Variants in COL19A1 observed in about 807,000 individuals in gnomAD.
COL19A1 encodes the protein collagen alpha-1(XIX) chain.
In COL19A1, 159 loss-of-function variants were observed where a neutral mutation model predicts 190.2. The ratio of observed to expected loss-of-function variants is 0.84; its 90% CI spans 0.73 to 0.95. The LOEUF is 0.95. Among genes scored for constraint, COL19A1 ranks in the 40% least tolerant of loss-of-function variants. The pLI, the probability that COL19A1 is intolerant of heterozygous loss-of-function variation, is 0.00. For missense variants in COL19A1, 1,418 were observed against 1,431.9 expected (o/e 0.99, Z 0.16); for synonymous variants, 509 against 458.9 (o/e 1.11, Z -1.39).
At position 70,159,559 on chromosome 6, in the gene COL19A1, T is replaced by C. The variant is rs73746883; in HGVS notation, c.2293-2341T>C. On this transcript the variant is annotated intron_variant, in intron 34 of 50. Transcript: ENST00000620364. ...GGAATTCTAGCATGTTCAAGTAGAA[T>C]TTTTAAGCCCTTCTTCATATCATAT... 9.1e-3 allele frequency among the ~76,000 whole-genome samples: 1,378 copies of C among 152,260 alleles called. 20 individuals are homozygous for C. The highest frequency in any genetic ancestry group is 0.032 in the African/African-American group (1,314 of 41,560).
chr6:70,080,642 T>G (rs1286620351), intron 15 of COL19A1, among the ~76,000 whole-genome samples: 2 of 152,212 alleles, frequency 1.3e-5, no homozygotes, highest in African/African-American at 4.8e-5. Flanking sequence ...TTGTCAAAAT[T>G]AAATTGTTCT....
intron 34 of COL19A1, among the ~76,000 whole-genome samples, chr6:70,160,551 C>A (rs1027654417): frequency 3.3e-5 from 5 of 152,194 alleles, no homozygotes; most frequent in Admixed American, 2.6e-4. Context: ...GCAGCCCAAT[C>A]TGGCCTAACT....
At chr6:69,974,202 A>G (rs1398744455) in intron 11 of COL19A1, 1 of 152,162 alleles carries the variant, frequency 6.6e-6, no homozygotes. Flanking sequence ...CAAATAATCA[A>G]TTTGCTTTGT....
chr6:69,970,445 C>T (rs1236762950), intron 11 of COL19A1, among the ~76,000 whole-genome samples: 1 of 152,096 alleles, frequency 6.6e-6, no homozygotes, highest in Non-Finnish European at 1.5e-5. Flanking sequence ...TGGTTTTGTA[C>T]TTTTACATAG....
At chr6:70,152,184 C>T (rs1056155714) in intron 31 of COL19A1, among the ~76,000 whole-genome samples, 5 of 152,016 alleles carry the variant, frequency 3.3e-5, no homozygotes, top group Non-Finnish European at 1.5e-5. Context: ...CATACTCAAA[C>T]ACAGTGTGTT....
At chr6:70,109,345 C>T (rs1784149897) in intron 16 of COL19A1, among the ~76,000 whole-genome samples, 1 of 151,928 alleles carries the variant, frequency 6.6e-6, no homozygotes, top group Non-Finnish European at 1.5e-5. Context: ...TCAGGACTTG[C>T]AAAGAGCTTC....
At chr6:70,163,778 G>A (rs1480054760) in intron 36 of COL19A1, among the ~76,000 whole-genome samples, 2 of 152,142 alleles carry the variant, frequency 1.3e-5, no homozygotes, top group African/African-American at 2.4e-5. Flanking sequence ...TACCATAGAC[G>A]GAGTGGCTTA....
At chr6:69,972,881 G>A (rs1313941861) in intron 11 of COL19A1, among the ~76,000 whole-genome samples, 1 of 152,152 alleles carries the variant, frequency 6.6e-6, no homozygotes, top group African/African-American at 2.4e-5. Context: ...TAGTAGTAAT[G>A]TTAAAGGTTG....
intron 1 of COL19A1, among the ~76,000 whole-genome samples, chr6:69,868,870 A>G (rs1444422008): frequency 2.6e-5 from 4 of 152,228 alleles, no homozygotes; most frequent in African/African-American, 9.7e-5. Flanking sequence ...ATGTGGGTAC[A>G]CAGAGTCAAT....
intron 9 of COL19A1, among the ~76,000 whole-genome samples, chr6:69,957,551 C>T (rs1198367840): frequency 2.0e-5 from 3 of 151,520 alleles, no homozygotes; most frequent in Admixed American, 6.6e-5. Flanking sequence ...TAGAAAACCC[C>T]GTAATGAAAA....
chr6:70,067,384 G>C (rs1412490739), intron 14 of COL19A1, among the ~76,000 whole-genome samples: 4 of 152,092 alleles, frequency 2.6e-5, no homozygotes, highest in Non-Finnish European at 4.4e-5. Context: ...TGAATGTGGA[G>C]AATGAGTTCT....
At chr6:70,175,071 T>A (rs953057745) in intron 41 of COL19A1, among the ~76,000 whole-genome samples, 2 of 152,248 alleles carry the variant, frequency 1.3e-5, no homozygotes, top group African/African-American at 4.8e-5. Context: ...ATATTAATTT[T>A]AAAAATGAAA....
chr6:70,062,170 T>C (rs927193233), intron 14 of COL19A1, among the ~76,000 whole-genome samples: 15 of 152,056 alleles, frequency 9.9e-5, no homozygotes, highest in African/African-American at 3.4e-4. Context: ...TCAACTGTTG[T>C]GGAGAAGGAG....
chr6:69,920,620 T>G (rs1352916376), intron 4 of COL19A1, among the ~76,000 whole-genome samples: 1 of 152,094 alleles, frequency 6.6e-6, no homozygotes, highest in African/African-American at 2.4e-5. Context: ...TTAGCCATAT[T>G]TTGAAAATAT....
chr6:70,090,955 T>C (rs62420149), intron 15 of COL19A1, among the ~76,000 whole-genome samples: 22 of 152,162 alleles, frequency 1.4e-4, no homozygotes, highest in Non-Finnish European at 2.8e-4. Flanking sequence ...ACCTGGATGC[T>C]CTTTCTCAGA....
intron 11 of COL19A1, among the ~76,000 whole-genome samples, chr6:69,984,045 G>GT (rs768642904): frequency 6.6e-6 from 1 of 151,946 alleles, no homozygotes; most frequent in Non-Finnish European, 1.5e-5. Flanking sequence ...TTCCTTAAGT[G>GT]TTTTTAAGAA....
rs188420736 is a variant in COL19A1, at chr6:69,872,383, A to G, written c.-33+5743A>G. 1.9e-3 allele frequency among the ~76,000 whole-genome samples: 286 copies of G among 152,252 alleles called. 1 individual carries two copies. The highest frequency in any genetic ancestry group is 2.6e-3 in the Non-Finnish European group (177 of 68,034). ...ATCAATAGATATCAATAGAATATCT[A>G]TTGATAGGATGAGGTTTCTTAATGC... is the stretch of plus-strand genomic sequence containing the variant. On this transcript the variant is annotated intron_variant, in intron 1 of 50. Coordinates refer to ENST00000620364, the MANE Select transcript of COL19A1 (RefSeq NM_001858.6).
intron 11 of COL19A1, among the ~76,000 whole-genome samples, chr6:69,980,724 T>G (rs1263550443): frequency 1.3e-5 from 2 of 152,206 alleles, no homozygotes; most frequent in Non-Finnish European, 2.9e-5. Context: ...AATAGGCAGC[T>G]CGCTAAAGAG....
At chr6:69,935,850 T>C (rs1162012889) in intron 7 of COL19A1, among the ~76,000 whole-genome samples, 2 of 152,114 alleles carry the variant, frequency 1.3e-5, no homozygotes, top group Non-Finnish European at 2.9e-5. Context: ...ACAAAACTTA[T>C]CTATGTTTAC....
Sources: gnomAD v4.1 joint callset for allele counts (sites outside exome capture counted in the v4.1 genomes callset) on GRCh38, gnomAD v4.1.1 for gene constraint, MANE v1.5 for transcripts, NCBI Gene and HGNC (gene_info 2026-07-23, HGNC 2026-07-21) for gene names.